Variants in GARNL3 observed in about 807,000 individuals in gnomAD.
GARNL3 encodes GTPase-activating Rap/Ran-GAP domain-like protein 3.
A neutral mutation model predicts 125.0 loss-of-function variants in GARNL3; 63 were observed. The ratio of observed to expected loss-of-function variants is 0.50; its 90% CI spans 0.41 to 0.62. The LOEUF (loss-of-function observed/expected upper bound fraction) is 0.62, where lower values mean the gene tolerates loss of function less well. Among genes scored for constraint, GARNL3 ranks in the 20% least tolerant of loss-of-function variants. GARNL3 has a pLI of 0.00. For synonymous variants in GARNL3, 439 were observed against 457.5 expected (o/e 0.96, Z 0.52); for missense variants, 994 against 1,244.0 (o/e 0.80, Z 3.02).
At chr9:127,303,258 G>A (rs892217168) in intron 2 of GARNL3, among the ~76,000 whole-genome samples, 8 of 152,120 alleles carry the variant, frequency 5.3e-5, no homozygotes, top group Non-Finnish European at 1.2e-4. Context: ...AACAAATTAT[G>A]TATATGTATA....
rs1430606864 is a variant in GARNL3, at chr9:127,354,351, G to T, written c.1700G>T (p.Gly567Val). 6.2e-7 allele frequency: 1 copy of T among 1,613,836 alleles called. No individual in the cohort carries two copies. The highest frequency in any genetic ancestry group is 8.5e-7 in the Non-Finnish European group (1 of 1,179,892). ...RLSALQKGLE[G>V]KQAGKSRSDC... ...AGTGCTCTGCAAAAGGGCCTTGAGG[G>T]GAAGCAGGCTGGGAAGAGCAGGTCT... is the stretch of plus-strand genomic sequence containing the variant. The change falls in exon 19 of 28, where the codon GGG (glycine) becomes GTG (valine). Residue 567 changes from glycine (G) to valine (V), a missense_variant. Physicochemically the swap from Gly to Val is moderately radical, Grantham distance 109 (BLOSUM62 -3). Transcript: ENST00000373387.
At chr9:127,327,645 C>T (rs540382727) in intron 7 of GARNL3, among the ~76,000 whole-genome samples, 107 of 152,190 alleles carry the variant, frequency 7.0e-4, no homozygotes, top group African/African-American at 2.4e-3. Flanking sequence ...GTGATCCTCC[C>T]GGCTCAGCCT....
chr9:127,314,921 C>T lies in GARNL3; in HGVS notation c.438+1362C>T, dbSNP rs572077778. On this transcript the variant is annotated intron_variant, in intron 4 of 27. Transcript: ENST00000373387. Reference sequence around the variant, plus strand: ...AGATGGAAGGGAGCCAGTCATTTGACGAGTAGAAGGGGAATCAGAGAGTGT... The same window carrying T: ...AGATGGAAGGGAGCCAGTCATTTGATGAGTAGAAGGGGAATCAGAGAGTGT... Among the ~76,000 whole-genome samples the T allele has an allele frequency of 6.6e-5, 10 of 152,178 alleles. No individual in the cohort carries two copies. In the East Asian group the frequency reaches 7.7e-4, roughly 12 times the overall value.
chr9:127,343,931 C>A (rs1048149290), intron 14 of GARNL3, among the ~76,000 whole-genome samples: 2 of 152,090 alleles, frequency 1.3e-5, no homozygotes, highest in African/African-American at 4.8e-5. Flanking sequence ...CATCCCAGAG[C>A]TGTGCAATGT....
intron 1 of GARNL3, among the ~76,000 whole-genome samples, chr9:127,275,959 A>C (rs1479214835): frequency 6.6e-6 from 1 of 152,096 alleles, no homozygotes; most frequent in Admixed American, 6.5e-5. Flanking sequence ...TTGGGAGTAC[A>C]TTTCAGCTAT....
intron 2 of GARNL3, among the ~76,000 whole-genome samples, chr9:127,246,527 C>T (rs2063306751): frequency 6.6e-6 from 1 of 152,108 alleles, no homozygotes. Flanking sequence ...ATATCGGGGC[C>T]AGGAGCGGTG....
chr9:127,319,059 T>C (rs1051305084), intron 5 of GARNL3, among the ~76,000 whole-genome samples: 3 of 152,206 alleles, frequency 2.0e-5, no homozygotes, highest in African/African-American at 7.2e-5. Context: ...TCTATTCGTC[T>C]GCAGCTACAT....
intron 1 of GARNL3, among the ~76,000 whole-genome samples, chr9:127,232,653 G>C (rs957827856): frequency 4.6e-5 from 7 of 152,154 alleles, no homozygotes; most frequent in African/African-American, 2.4e-5. Context: ...TGCCTTACCA[G>C]TAGTTAAATT....
At position 127,383,531 on chromosome 9, in the gene GARNL3, C is replaced by T; in HGVS notation, c.2255C>T (p.Ala752Val). 6.2e-7 allele frequency: 1 copy of T among 1,610,146 alleles called. No individual in the cohort carries two copies. Among genetic ancestry groups the T allele is most frequent in the Non-Finnish European group, 8.5e-7 (1 of 1,177,696 alleles). The change falls in exon 23 of 28, where the codon GCT becomes GTT. Residue 752 changes from alanine to valine, a missense_variant. This residue lies in a region of GARNL3 where 728 missense variants were observed against 865.7 expected (regional missense o/e 0.84). Transcript: ENST00000373387. The stretch of plus-strand genomic sequence containing the variant: ...GATTTCCAGTTCTGTTGGAACCAGG[C>T]TCCCTATGCAATTGGTAAGAAAAGT... ...ASDFQFCWNQ[A>V]PYAIVCAFPY... is the part of the protein sequence containing the mutation.
intron 1 of GARNL3, among the ~76,000 whole-genome samples, chr9:127,272,172 A>G (rs2063838742): frequency 6.7e-6 from 1 of 150,214 alleles, no homozygotes; most frequent in Non-Finnish European, 1.5e-5. Flanking sequence ...TTGGATTTAT[A>G]CCTGTGGGAC....
In GARNL3 at chr9:127,243,227, G is replaced by GT; in HGVS notation, c.121_122insT (p.Glu41ValfsTer17). The GT allele has an allele frequency of 7.3e-7, 1 of 1,366,594 alleles. No homozygotes were observed. The highest frequency in any genetic ancestry group is 9.8e-7 in the Non-Finnish European group (1 of 1,021,860). The allele number at this position is 1,366,594 out of a possible 1,614,324, so 84.7% of individuals were successfully genotyped here. A position where few individuals can be genotyped will look rare whatever the true frequency, so the allele number is the denominator to read the frequency against. On this transcript the variant is annotated frameshift_variant, in exon 2 of 11. Coordinates refer to the GARNL3 transcript ENST00000439286. LOFTEE classifies it high-confidence loss of function. ...TCAGACATGGCCAACGAAAGACCCTGAACTAGAGTCCCAGGTCAACCTGTA... is the reference window on the plus strand; with the variant it reads ...TCAGACATGGCCAACGAAAGACCCTGTAACTAGAGTCCCAGGTCAACCTGTA...
chr9:127,296,464 CTTTT>C (rs777082855), intron 2 of GARNL3, among the ~76,000 whole-genome samples: 1 of 87,106 alleles, frequency 1.1e-5, no homozygotes, highest in African/African-American at 4.9e-5. Flanking sequence ...GTAGGCATGA[CTTTT>C]TTTTTTTTTT....
rs1334298681 is a variant in GARNL3, at chr9:127,345,406, C to T, written c.1360C>T (p.Leu454=). ...ATAGAGATCTCTGTTCTGTAAGGCACTAAAACTGAAATCCATTGTGAGAGG... is the reference window on the plus strand; with the variant it reads ...ATAGAGATCTCTGTTCTGTAAGGCATTAAAACTGAAATCCATTGTGAGAGG... ...QAEFVRIGQA[L]KLKSIVRGDA... Residue 454 remains leucine (L), a synonymous_variant, in exon 16 of 28, where the codon CTA becomes TTA. Coordinates refer to ENST00000373387, the MANE Select transcript of GARNL3 (RefSeq NM_032293.5). 4 of 1,602,250 alleles carry T rather than the reference C, an allele frequency of 2.5e-6. No individual in the cohort carries two copies. The African/African-American group carries it at 5.4e-5, about 22-fold the overall frequency.
chr9:127,390,850 TA>T (rs1832783971), intron 27 of GARNL3, 83 bp downstream of exon 27: 1 of 1,398,174 alleles, frequency 7.2e-7, no homozygotes, highest in African/African-American at 1.4e-5. Flanking sequence ...TGGGGATTGA[TA>T]ATGCCACTAG....
chr9:127,231,231 T>TA (rs1389976620), intron 1 of GARNL3, among the ~76,000 whole-genome samples: 1,864 of 136,810 alleles, frequency 0.014, 76 homozygotes, highest in African/African-American at 0.05. Context: ...ATTTTTTGTT[T>TA]TTTTTTTTTT....
chr9:127,278,427 C>T (rs2064014347), intron 1 of GARNL3, among the ~76,000 whole-genome samples: 1 of 152,164 alleles, frequency 6.6e-6, no homozygotes. Context: ...ACCTCCAAAG[C>T]AACCATAAAT....
chr9:127,370,262 G>A (rs954261032), intron 22 of GARNL3, among the ~76,000 whole-genome samples: 2 of 152,160 alleles, frequency 1.3e-5, no homozygotes, highest in African/African-American at 2.4e-5. Flanking sequence ...TTCCTGCCCC[G>A]CAGCACAGGC....
chr9:127,348,920 A>G lies in GARNL3; in HGVS notation c.1432-4A>G, dbSNP rs373572604. Reference sequence around the variant, plus strand: ...TATCTTCCGATGCTTGTATTGCCTCACAGCCGTGGGAGCCCCAGTGTTTCT... The same window carrying G: ...TATCTTCCGATGCTTGTATTGCCTCGCAGCCGTGGGAGCCCCAGTGTTTCT... On this transcript the variant is annotated splice_polypyrimidine_tract_variant and splice_region_variant and intron_variant, in intron 16 of 27. Transcript: ENST00000373387. 8.1e-6 allele frequency: 13 copies of G among 1,604,570 alleles called. No homozygotes were observed. The African/African-American group carries it at 1.7e-4, about 22-fold the overall frequency.
Position 127,325,137 on chromosome 9 carries a change from A to C in GARNL3, c.594+42A>C, listed in dbSNP as rs775693417. The stretch of plus-strand genomic sequence containing the variant: ...AGATATTTGCACCTGCTCTGCCTCC[A>C]TGTTTGTAAATATATTTCTCCTTTC... On this transcript the variant is annotated intron_variant, in intron 7 of 27. Coordinates refer to ENST00000373387, the MANE Select transcript of GARNL3 (RefSeq NM_032293.5). 6 of 1,579,578 alleles carry C rather than the reference A, an allele frequency of 3.8e-6. No individual in the cohort carries two copies. The East Asian group carries it at 1.1e-4, about 29-fold the overall frequency.
Sources: allele counts gnomAD v4.1 joint callset (sites outside exome capture counted in the v4.1 genomes callset), GRCh38; gene constraint gnomAD v4.1.1; regional missense constraint gnomAD v4.1.1; transcripts MANE v1.5; gene names NCBI Gene and HGNC (gene_info 2026-07-23, HGNC 2026-07-21).